Variants in PTGS2 observed in about 807,000 individuals in gnomAD.
PTGS2 encodes the protein prostaglandin G/H synthase 2.
PTGS2 carries 14 observed loss-of-function variants against 63.8 expected under a neutral mutation model. That is an observed-to-expected ratio of 0.22 (90% CI 0.14 to 0.34). The LOEUF is 0.34. PTGS2 is among the 10% of genes least tolerant of loss of function. The pLI is 1.00. For missense variants in PTGS2, 533 were observed against 738.5 expected, an observed-to-expected ratio of 0.72 and a Z score of 3.23; for synonymous variants, 271 against 259.5, an observed-to-expected ratio of 1.04 and a Z score of -0.43.
rs1352060367 is a variant in PTGS2 at position 186,680,240 on chromosome 1, T to C, written c.51A>G (p.Thr17=). The part of the protein sequence containing the change: ...LLCAVLALSH[T]ANPCCSHPCQ... ...CGGTGCGCGGCGCCAGGTACTCACC[T>C]GTATGGCTGAGCGCCAGGACCGCGC... Residue 17 remains threonine (T), a splice_region_variant and synonymous_variant, in exon 1 of 10, where the codon ACA becomes ACG. Transcript: ENST00000367468. The C allele has an allele frequency of 3.9e-6, 6 of 1,549,314 alleles. No homozygotes were observed. Among genetic ancestry groups the C allele is most frequent in the Admixed American group, 3.9e-5 (2 of 50,954 alleles).
In PTGS2 at chr1:186,678,281, G is replaced by A. The variant is rs536033236; in HGVS notation, c.437C>T (p.Pro146Leu). ...RALPPVPDDCPTPLGVKGKKQ... is the reference protein window; with the variant it reads ...RALPPVPDDCLTPLGVKGKKQ... ...CTCACCTTTGACACCCAAGGGAGTC[G>A]GGCAATCATCAGGCACAGGAGGAAG... The change falls in exon 4 of 10, where the codon CCG (proline) becomes CTG (leucine). Residue 146 changes from proline (P) to leucine (L), a missense_variant. Around this residue, in one of 5 missense-constraint regions of PTGS2, gnomAD observed 118 missense variants for 138.7 expected, o/e 0.85. Coordinates refer to ENST00000367468, the MANE Select transcript of PTGS2 (RefSeq NM_000963.4). The A allele has an allele frequency of 1.6e-5, 25 of 1,609,696 alleles. No individual in the cohort carries two copies. Among genetic ancestry groups the A allele is most frequent in the East Asian group, 6.7e-5 (3 of 44,732 alleles).
chr1:186,674,415 G>A lies in PTGS2; in HGVS notation c.1753C>T (p.Arg585Cys), dbSNP rs768699687. The stretch of plus-strand genomic sequence containing the variant: ...GGATTGATATCATCTAGTCCGGAGC[G>A]GGAAGAACTTGCATTGATGGTGACT... ...KTVTINASSS[R>C]SGLDDINPTV... Residue 585 changes from arginine to cysteine, a missense_variant, in exon 10 of 10, where the codon CGC becomes TGC. Physicochemically the swap from Arg to Cys is radical, Grantham distance 180. This residue lies in a region of PTGS2 where 219 missense variants were observed against 267.4 expected (regional missense o/e 0.82). Transcript: ENST00000367468. 2.5e-6 allele frequency: 4 copies of A among 1,613,940 alleles called. No homozygotes were observed. The highest frequency in any genetic ancestry group is 1.1e-5 in the South Asian group (1 of 91,072).
rs201908600 is a variant in PTGS2 at position 186,673,150 on chromosome 1, G to A, written c.*1203C>T. On this transcript the variant is annotated 3_prime_UTR_variant, in exon 10 of 10. Transcript: ENST00000367468. ...CAGGCTTGATTCCAATGCACCTACT[G>A]AATTGGCTTCAAGACTGAGATAAAA... The A allele has an allele frequency of 2.0e-5, 3 of 152,134 alleles. No individual in the cohort carries two copies. The South Asian group carries it at 6.2e-4, about 31-fold the overall frequency. The allele number at this position is 152,134 out of a possible 1,614,324, so 9.4% of individuals were successfully genotyped here.
chr1:186,679,286 C>G, intron 2 of PTGS2, 36 bp downstream of exon 2: 1 of 1,612,972 alleles, frequency 6.2e-7, no homozygotes, highest in Non-Finnish European at 8.5e-7. Flanking sequence ...TGTATCCAGC[C>G]CCACTCCTAA....
chr1:186,679,549 T>A lies in PTGS2; in HGVS notation c.53-111A>T, dbSNP rs1055993908. On this transcript the variant is annotated intron_variant, in intron 1 of 9. Transcript: ENST00000367468. ...TACAATAATAAATTCAAGAAATATA[T>A]AGGTAGTCATGGAAATACAATTTTT... 20 of 804,360 alleles carry A rather than the reference T, an allele frequency of 2.5e-5. 1 individual carries two copies. In the Middle Eastern group the frequency reaches 1.1e-3, roughly 43 times the overall value. The allele number at this position is 804,360 out of a possible 1,614,324, so 49.8% of individuals were successfully genotyped here.
chr1:186,674,718 T>C lies in PTGS2; in HGVS notation c.1450A>G (p.Ile484Val), dbSNP rs751749337. 6.2e-7 allele frequency: 1 copy of C among 1,614,170 alleles called. No homozygotes were observed. The highest frequency in any genetic ancestry group is 8.5e-7 in the Non-Finnish European group (1 of 1,180,000). Residue 484 changes from isoleucine (I) to valine (V), a missense_variant, in exon 10 of 10, where the codon ATC becomes GTC. Ile to Val is a conservative substitution (Grantham distance 29). Transcript: ENST00000367468. ...GCAGGATACAGCTCCACAGCATCGA[T>C]GTCACCATAGAGTGCTTCCAACTCT... ...SAELEALYGD[I>V]DAVELYPALL...
intron 8 of PTGS2, 129 bp from the exon 9 acceptor site, chr1:186,675,525 G>A (rs1158223233): frequency 9.5e-7 from 1 of 1,049,042 alleles, no homozygotes; most frequent in African/African-American, 1.6e-5. Context: ...TTGCTGGAAA[G>A]ATGCTTACCT....
chr1:186,674,756 T>G lies in PTGS2; in HGVS notation c.1412A>C (p.Lys471Thr). The G allele has an allele frequency of 6.2e-7, 1 of 1,603,186 alleles. No individual in the cohort carries two copies. Among genetic ancestry groups the G allele is most frequent in the Non-Finnish European group, 8.5e-7 (1 of 1,174,908 alleles). ...TGCTTCCAACTCTGCAGACATTTCC[T>G]TTTCTCCTGTGAAGGCGATGAAGAC... ...YESFEELTGE[K>T]EMSAELEALY... Residue 471 changes from lysine to threonine, a missense_variant, in exon 10 of 10, where the codon AAG becomes ACG. By Grantham distance (78) the Lys-to-Thr change is moderately conservative. Coordinates refer to ENST00000367468, the MANE Select transcript of PTGS2 (RefSeq NM_000963.4).
intron 8 of PTGS2, 150 bp downstream of exon 8, chr1:186,675,748 A>G: frequency 1.1e-6 from 1 of 907,212 alleles, no homozygotes; most frequent in South Asian, 2.0e-5. Context: ...GACTTTTCAA[A>G]CAAAGTTAGG....
In PTGS2 at chr1:186,676,540, G is replaced by A. The variant is rs201011990; in HGVS notation, c.897C>T (p.Cys299=). The change falls in exon 7 of 10, where the codon TGC becomes TGT. Residue 299 remains cysteine (C), a synonymous_variant. Transcript: ENST00000367468. ...TIWLREHNRV[C]DVLKQEHPEW... ...CAGGATGCTCCTGTTTAAGCACATC[G>A]CATACTCTGTTGTGTTCCCGCAGCC... The A allele has an allele frequency of 5.6e-6, 9 of 1,613,926 alleles. No individual in the cohort carries two copies. Among genetic ancestry groups the A allele is most frequent in the Middle Eastern group, 1.6e-4 (1 of 6,062 alleles).
Position 186,676,144 on chromosome 1 carries a change from G to C in PTGS2, c.1011C>G (p.His337Gln), listed in dbSNP as rs1665776182. 1 of 1,613,660 alleles carries C rather than the reference G, an allele frequency of 6.2e-7. No individual in the cohort carries two copies. The highest frequency in any genetic ancestry group is 8.5e-7 in the Non-Finnish European group (1 of 1,179,696). ...TCAGTTTGAAGTGATAGCCACTCAA[G>C]TGTTGCACATAATCTTCAATCACAA... ...IKIVIEDYVQ[H>Q]LSGYHFKLKF... Residue 337 changes from histidine (H) to glutamine (Q), a missense_variant, in exon 8 of 10, where the codon CAC becomes CAG. Physicochemically the swap from His to Gln is conservative, Grantham distance 24. Around this residue, in one of 5 missense-constraint regions of PTGS2, gnomAD observed 67 missense variants for 152.6 expected, o/e 0.44. Transcript: ENST00000367468.
rs533479217 is a variant in PTGS2, at chr1:186,680,284, C to G, written c.7G>C (p.Ala3Pro). ...ACCGCGCACAGCAGCAGGGCGCGGG[C>G]GAGCATCGCAGCGGCGGGCAGGGCG... ML[A>P]RALLLCAVLA... The change falls in exon 1 of 10, where the codon GCC becomes CCC. Residue 3 changes from alanine (A) to proline (P), a missense_variant. Physicochemically the swap from Ala to Pro is conservative, Grantham distance 27. Around this residue, in one of 5 missense-constraint regions of PTGS2, gnomAD observed 118 missense variants for 144.6 expected, o/e 0.82. Transcript: ENST00000367468. The G allele has an allele frequency of 6.5e-6, 10 of 1,542,996 alleles. No individual in the cohort carries two copies. The Admixed American group carries it at 1.8e-4, about 28-fold the overall frequency.
At position 186,676,899 on chromosome 1, in the gene PTGS2, A is replaced by C. The variant is rs1348890069; in HGVS notation, c.657T>G (p.Ile219Met). 2 of 1,605,330 alleles carry C rather than the reference A, an allele frequency of 1.2e-6. No homozygotes were observed. Among genetic ancestry groups the C allele is most frequent in the Non-Finnish European group, 8.5e-7 (1 of 1,176,990 alleles). Reference sequence around the variant, plus strand: ...GCTGTCTAGCCAGAGTTTCACCGTAAATATGATTTAAGTCCACCTAGAAAA... The same window carrying C: ...GCTGTCTAGCCAGAGTTTCACCGTACATATGATTTAAGTCCACCTAGAAAA... ...GLGHGVDLNH[I>M]YGETLARQRK... The change falls in exon 6 of 10, where the codon ATT (isoleucine) becomes ATG (methionine). Residue 219 changes from isoleucine to methionine, a missense_variant. Physicochemically the swap from Ile to Met is conservative, Grantham distance 10 (BLOSUM62 1). This residue lies in a region of PTGS2 where 118 missense variants were observed against 138.7 expected (regional missense o/e 0.85). Transcript: ENST00000367468.
At position 186,675,968 on chromosome 1, in the gene PTGS2, T is replaced by G; in HGVS notation, c.1187A>C (p.Asn396Thr). Residue 396 changes from asparagine to threonine, a missense_variant, in exon 8 of 10, where the codon AAC becomes ACC. This residue lies in a region of PTGS2 where 219 missense variants were observed against 267.4 expected (regional missense o/e 0.82). Coordinates refer to ENST00000367468, the MANE Select transcript of PTGS2 (RefSeq NM_000963.4). ...QKYNYQQFIYNNSILLEHGIT... is the reference protein window; with the variant it reads ...QKYNYQQFIYTNSILLEHGIT... ...TCCATGTTCCAGCAATATAGAGTTGTTGTAGATAAACTGTTGATAGTTGTA... is the reference window on the plus strand; with the variant it reads ...TCCATGTTCCAGCAATATAGAGTTGGTGTAGATAAACTGTTGATAGTTGTA... The G allele has an allele frequency of 6.2e-7, 1 of 1,614,012 alleles. No homozygotes were observed. The highest frequency in any genetic ancestry group is 8.5e-7 in the Non-Finnish European group (1 of 1,179,904).
rs1665698416 is a variant in PTGS2, at chr1:186,672,087, T to C, written c.*2266A>G. On this transcript the variant is annotated 3_prime_UTR_variant, in exon 10 of 10. Coordinates refer to ENST00000367468, the MANE Select transcript of PTGS2 (RefSeq NM_000963.4). ...AAACGTAAAATTGTAAAGAAGATTC[T>C]CCTGAGTTATCTTTAATGATATTTA... is the stretch of plus-strand genomic sequence containing the variant. 6.6e-6 allele frequency: 1 copy of C among 152,108 alleles called. No individual in the cohort carries two copies. The highest frequency in any genetic ancestry group is 2.4e-5 in the African/African-American group (1 of 41,450). The allele number at this position is 152,108 out of a possible 1,614,324, so 9.4% of individuals were successfully genotyped here.
intron 9 of PTGS2, 141 bp downstream of exon 9, chr1:186,675,108 C>A (rs1394086890): frequency 9.6e-7 from 1 of 1,042,268 alleles, no homozygotes; most frequent in Non-Finnish European, 1.4e-6. Context: ...ACCCAGGAGG[C>A]GGAGGTTGCA....
Position 186,674,404 on chromosome 1 carries a change from T to C in PTGS2, c.1764A>G (p.Leu588=). 6.2e-7 allele frequency: 1 copy of C among 1,613,988 alleles called. No homozygotes were observed. The highest frequency in any genetic ancestry group is 1.1e-5 in the South Asian group (1 of 91,072). ...GTAGTACTGTGGGATTGATATCATC[T>C]AGTCCGGAGCGGGAAGAACTTGCAT... ...TINASSSRSG[L]DDINPTVLLK... Residue 588 remains leucine, a synonymous_variant, in exon 10 of 10, where the codon CTA becomes CTG. Transcript: ENST00000367468.
rs531889788 is a variant in PTGS2 at position 186,677,359 on chromosome 1, T to C, written c.639+290A>G. ...TTGAGGACATAACATTTTGCAGTAC[T>C]AACATTTTAAACTAAAAAATACAAG... is the stretch of plus-strand genomic sequence containing the variant. On this transcript the variant is annotated intron_variant, in intron 5 of 9. Coordinates refer to ENST00000367468, the MANE Select transcript of PTGS2 (RefSeq NM_000963.4). 6.6e-4 allele frequency among the ~76,000 whole-genome samples: 100 copies of C among 152,292 alleles called. 1 individual carries two copies. In the South Asian group the frequency reaches 0.021, roughly 31 times the overall value.
chr1:186,672,328 A>C lies in PTGS2; in HGVS notation c.*2025T>G, dbSNP rs1665703167. Reference sequence around the variant, plus strand: ...GTCTTATGGCACATTCAGGCTAATGAGACAATATTCTTTGTGGGCTAGCAC... The same window carrying C: ...GTCTTATGGCACATTCAGGCTAATGCGACAATATTCTTTGTGGGCTAGCAC... On this transcript the variant is annotated 3_prime_UTR_variant, in exon 10 of 10. Transcript: ENST00000367468. 1 of 152,166 alleles carries C rather than the reference A, an allele frequency of 6.6e-6. No homozygotes were observed. The highest frequency in any genetic ancestry group is 6.5e-5 in the Admixed American group (1 of 15,274). 9.4% of individuals were successfully genotyped at this position (152,166 alleles called of 1,614,324 possible). A position where few individuals can be genotyped will look rare whatever the true frequency, so the allele number is the denominator to read the frequency against.
Sources: allele counts gnomAD v4.1 joint callset (sites outside exome capture counted in the v4.1 genomes callset), GRCh38; gene constraint gnomAD v4.1.1; regional missense constraint gnomAD v4.1.1; transcripts MANE v1.5; gene names NCBI Gene and HGNC (gene_info 2026-07-23, HGNC 2026-07-21).